Variants in TPTE observed in about 807,000 individuals in gnomAD.
The protein encoded by TPTE is transmembrane phosphatase with tensin homology.
TPTE carries 59 observed loss-of-function variants against 84.1 expected under a neutral mutation model. The ratio of observed to expected loss-of-function variants is 0.70; its 90% CI spans 0.57 to 0.87. TPTE has a LOEUF of 0.87. Among genes scored for constraint, TPTE ranks in the 40% least tolerant of loss-of-function variants. The pLI is 0.00. For missense variants in TPTE, 382 were observed against 659.6 expected (o/e 0.58, Z 4.61); for synonymous variants, 130 against 223.5 (o/e 0.58, Z 3.73).
intron 3 of TPTE, among the ~76,000 whole-genome samples, chr21:10,535,696 G>T (rs1167059343): frequency 2.6e-5 from 4 of 152,304 alleles, no homozygotes; most frequent in African/African-American, 7.2e-5. Context: ...GAGGTAACAG[G>T]TGACGGAGGA....
chr21:10,524,655 C>G lies in TPTE; in HGVS notation c.-135C>G, dbSNP rs1380534520. On this transcript the variant is annotated 5_prime_UTR_variant, in exon 2 of 24. Transcript: ENST00000618007. ...CTGAACACACCCCAGGCTCTTCTGC[C>G]CGGCAGTGGCTCTGGAAGCAGTCTG... 1 of 152,856 alleles carries G rather than the reference C, an allele frequency of 6.5e-6. No individual in the cohort carries two copies. Among genetic ancestry groups the G allele is most frequent in the East Asian group, 1.9e-4 (1 of 5,222 alleles). The allele number at this position is 152,856 out of a possible 1,614,324, so 9.5% of individuals were successfully genotyped here. A position where few individuals can be genotyped will look rare whatever the true frequency, so the allele number is the denominator to read the frequency against.
intron 4 of TPTE, chr21:10,540,607 C>T (rs1432226212): frequency 7.7e-6 from 4 of 516,132 alleles, no homozygotes; most frequent in African/African-American, 1.9e-5. Context: ...TTATTTCACC[C>T]CCTCCAGAGC....
intron 17 of TPTE, among the ~76,000 whole-genome samples, chr21:10,582,438 A>C (rs993309898): frequency 3.3e-5 from 5 of 152,304 alleles, no homozygotes; most frequent in African/African-American, 1.2e-4. Flanking sequence ...TTGGAACTTT[A>C]TTATTACATT....
chr21:10,562,658 A>G (rs1252722022), intron 10 of TPTE, among the ~76,000 whole-genome samples: 2 of 152,304 alleles, frequency 1.3e-5, no homozygotes, highest in Non-Finnish European at 2.9e-5. Context: ...TAATAGCAGA[A>G]TTGATAAACC....
intron 7 of TPTE, among the ~76,000 whole-genome samples, chr21:10,546,913 T>C (rs1350887678): frequency 1.3e-5 from 2 of 152,308 alleles, no homozygotes; most frequent in Admixed American, 6.5e-5. Context: ...AGCAGCAAGT[T>C]ATCCAGAAGA....
chr21:10,523,569 C>T (rs568344175), intron 1 of TPTE, among the ~76,000 whole-genome samples: 21 of 152,368 alleles, frequency 1.4e-4, no homozygotes, highest in African/African-American at 4.1e-4. Flanking sequence ...TTTGTTCTTG[C>T]GATAGTTTAC....
At chr21:10,597,412 CTTTTTTTTT>C (rs146272836) in intron 20 of TPTE, among the ~76,000 whole-genome samples, 125 of 139,922 alleles carry the variant, frequency 8.9e-4, no homozygotes, top group African/African-American at 2.9e-3. Context: ...TTTCTTTTTT[CTTTTTTTTT>C]TTTTTTTTTT....
At chr21:10,523,553 TG>T (rs1293629255) in intron 1 of TPTE, among the ~76,000 whole-genome samples, 1 of 152,280 alleles carries the variant, frequency 6.6e-6, no homozygotes, top group Non-Finnish European at 1.5e-5. Context: ...ATGCAGTGTT[TG>T]GTTTTTTGTT....
At position 10,540,859 on chromosome 21, in the gene TPTE, C is replaced by T. The variant is rs546204237; in HGVS notation, c.12-253C>T. ...TAAATGCTCTCCAAAAATGCTGTTA[C>T]ACCTTGAGGTGTAGATACCCTTACT... is the stretch of plus-strand genomic sequence containing the variant. On this transcript the variant is annotated intron_variant, in intron 4 of 23. Coordinates refer to ENST00000618007, the MANE Select transcript of TPTE (RefSeq NM_199261.4). 421 of 630,350 alleles carry T rather than the reference C, an allele frequency of 6.7e-4. No individual in the cohort carries two copies. In the African/African-American group the frequency reaches 7.2e-3, roughly 11 times the overall value. 39.0% of individuals were successfully genotyped at this position (630,350 alleles called of 1,614,324 possible). A position where few individuals can be genotyped will look rare whatever the true frequency, so the allele number is the denominator to read the frequency against.
chr21:10,561,193 T>C lies in TPTE; in HGVS notation c.446+2T>C, dbSNP rs758931855. 6 of 1,611,300 alleles carry C rather than the reference T, an allele frequency of 3.7e-6. No homozygotes were observed. In the African/African-American group the frequency reaches 5.3e-5, roughly 14 times the overall value. On this transcript the variant is annotated splice_donor_variant, in intron 10 of 23. Coordinates refer to ENST00000618007, the MANE Select transcript of TPTE (RefSeq NM_199261.4). LOFTEE classifies it high-confidence loss of function. ...TCTTCTTCGAGTATTTGTAGAAAGG[T>C]AAGTTTGATTATTTTTATAATGCAT...
chr21:10,603,148 C>T (rs868072438), intron 22 of TPTE, among the ~76,000 whole-genome samples: 2,003 of 149,004 alleles, frequency 0.013, no homozygotes, highest in African/African-American at 0.05. Context: ...GACTGAACCC[C>T]GCTTCTGATA....
chr21:10,549,646 A>C (rs1291353368), intron 7 of TPTE, among the ~76,000 whole-genome samples: 1 of 81,548 alleles, frequency 1.2e-5, no homozygotes. Context: ...ACAGACAGGC[A>C]AAAAAAGGAT....
At chr21:10,557,646 G>A (rs2074709739) in intron 8 of TPTE, among the ~76,000 whole-genome samples, 1 of 152,302 alleles carries the variant, frequency 6.6e-6, no homozygotes, top group Non-Finnish European at 1.5e-5. Context: ...CCTGGGTGGA[G>A]GTGGTGGGTC....
intron 7 of TPTE, among the ~76,000 whole-genome samples, chr21:10,549,523 T>C (rs2074532868): frequency 6.6e-6 from 1 of 152,294 alleles, no homozygotes; most frequent in South Asian, 2.1e-4. Context: ...ACAGAAGCCC[T>C]AAGAGCTAAA....
At chr21:10,579,484 C>T (rs2075232595) in intron 17 of TPTE, among the ~76,000 whole-genome samples, 1 of 152,310 alleles carries the variant, frequency 6.6e-6, no homozygotes, top group African/African-American at 2.4e-5. Flanking sequence ...GAACAAAACT[C>T]CATCTAAAAA....
chr21:10,566,550 G>T (rs890586486), intron 10 of TPTE, among the ~76,000 whole-genome samples: 3 of 152,308 alleles, frequency 2.0e-5, no homozygotes, highest in Non-Finnish European at 4.4e-5. Context: ...AGAGATATCT[G>T]CATTCCCTTT....
intron 1 of TPTE, among the ~76,000 whole-genome samples, chr21:10,523,620 C>A (rs917663519): frequency 1.1e-4 from 17 of 152,286 alleles, no homozygotes; most frequent in Admixed American, 9.8e-4. Context: ...CTACAAAGGA[C>A]ATGAACTCAT....
chr21:10,562,953 A>G (rs553594303), intron 10 of TPTE, among the ~76,000 whole-genome samples: 1,047 of 152,010 alleles, frequency 6.9e-3, no homozygotes, highest in Non-Finnish European at 0.011. Context: ...ACCTCAAGGC[A>G]TTTAATAATC....
chr21:10,562,979 A>G (rs57673748), intron 10 of TPTE, among the ~76,000 whole-genome samples: 459 of 152,230 alleles, frequency 3.0e-3, no homozygotes, highest in African/African-American at 0.011. Flanking sequence ...CCCAAAGATC[A>G]AGGATAAAAA....
Sources: allele counts gnomAD v4.1 joint callset (sites outside exome capture counted in the v4.1 genomes callset), GRCh38; gene constraint gnomAD v4.1.1; transcripts MANE v1.5; gene names NCBI Gene and HGNC (gene_info 2026-07-23, HGNC 2026-07-21).